Variants in C13orf46 observed in about 807,000 individuals in gnomAD.
The protein encoded by C13orf46 is uncharacterized protein C13orf46.
intron 6 of C13orf46, among the ~76,000 whole-genome samples, chr13:113,957,672 G>GT (rs2138978580): frequency 1.4e-5 from 2 of 140,364 alleles, no homozygotes; most frequent in African/African-American, 2.7e-5. Flanking sequence ...AAGCACACTG[G>GT]GGGTCTCCTC....
rs1200226917 is a variant in C13orf46, at chr13:113,956,483, T to TG, written c.*289dup. 3 of 154,332 alleles carry TG rather than the reference T, an allele frequency of 1.9e-5. No individual in the cohort carries two copies. Among genetic ancestry groups the TG allele is most frequent in the East Asian group, 1.9e-4 (1 of 5,204 alleles). The allele number at this position is 154,332 out of a possible 1,614,324, so 9.6% of individuals were successfully genotyped here. ...GAAGGTCACGTCATCACTCACCCAG[T>TG]GGGCAGTGGGTTTCAGGCGTGGCTC... On this transcript the variant is annotated 3_prime_UTR_variant, in exon 7 of 7. Transcript: ENST00000636427.
the C13orf46 span, among the ~76,000 whole-genome samples, chr13:113,944,094 T>A: frequency 1.3e-5 from 2 of 152,056 alleles, no homozygotes; most frequent in African/African-American, 2.4e-5. Context: ...CCGGGATGGA[T>A]CCCTCCCCAG....
At chr13:113,943,269 C>T in the C13orf46 span, among the ~76,000 whole-genome samples, 2 of 152,258 alleles carry the variant, frequency 1.3e-5, no homozygotes, top group South Asian at 4.1e-4. Context: ...GAGTAGCTTG[C>T]TTTTATGCAT....
intron 6 of C13orf46, among the ~76,000 whole-genome samples, chr13:113,962,503 G>A (rs2052595286): frequency 1.3e-5 from 2 of 152,260 alleles, no homozygotes; most frequent in African/African-American, 4.8e-5. Flanking sequence ...CACGGCTGAG[G>A]ACTCTCGGCC....
chr13:113,962,819 C>T (rs915941359), intron 6 of C13orf46, among the ~76,000 whole-genome samples: 5 of 152,228 alleles, frequency 3.3e-5, no homozygotes, highest in African/African-American at 4.8e-5. Flanking sequence ...CATCAGGAAA[C>T]GATGAGAAAA....
At chr13:113,960,667 A>G (rs2052579913) in intron 6 of C13orf46, among the ~76,000 whole-genome samples, 1 of 152,238 alleles carries the variant, frequency 6.6e-6, no homozygotes, top group East Asian at 1.9e-4. Context: ...GTTCAACATA[A>G]TCAGGCAACT....
At chr13:113,932,540 A>G in the C13orf46 span, among the ~76,000 whole-genome samples, 1 of 152,224 alleles carries the variant, frequency 6.6e-6, no homozygotes, top group Non-Finnish European at 1.5e-5. Flanking sequence ...TGAAATATCC[A>G]TTCAAATATT....
At chr13:113,930,357 T>TGGGGGCGCAGGAGCACCGAGGC in the C13orf46 span, among the ~76,000 whole-genome samples, 19 of 83,478 alleles carry the variant, frequency 2.3e-4, no homozygotes, top group Middle Eastern at 5.4e-3. Context: ...AGCACCGAGG[T>TGGGGGCGCAGGAGCACCGAGGC]GGGGGCGCAG....
the C13orf46 span, among the ~76,000 whole-genome samples, chr13:113,931,639 G>A: frequency 5.3e-5 from 8 of 152,076 alleles, no homozygotes; most frequent in African/African-American, 1.9e-4. Flanking sequence ...CAAATGTTAG[G>A]GTTCACTCCT....
chr13:113,957,182 C>G (rs1322022279), intron 6 of C13orf46, among the ~76,000 whole-genome samples: 1 of 144,726 alleles, frequency 6.9e-6, no homozygotes, highest in African/African-American at 2.6e-5. Flanking sequence ...TTTCATCAAG[C>G]GCACTGGGGG....
the C13orf46 span, among the ~76,000 whole-genome samples, chr13:113,944,014 G>A: frequency 3.3e-5 from 5 of 152,298 alleles, no homozygotes; most frequent in South Asian, 2.1e-4. Context: ...CGACAGGAAG[G>A]AATGCGGTAC....
intron 6 of C13orf46, among the ~76,000 whole-genome samples, chr13:113,957,414 T>C (rs2052546429): frequency 7.2e-6 from 1 of 139,336 alleles, no homozygotes; most frequent in African/African-American, 2.7e-5. Flanking sequence ...TGCACCCCCT[T>C]TCATCAAGTG....
In C13orf46 at chr13:113,955,554, AGGAGGAG is replaced by A. The variant is rs2052520889; in HGVS notation, c.*1212_*1218del. On this transcript the variant is annotated 3_prime_UTR_variant, in exon 7 of 7. Coordinates refer to ENST00000636427, the MANE Select transcript of C13orf46 (RefSeq NM_001365455.2). ...CGGAGACGAGGAGCATCTCGTGGAGAGGAGGAGCATCTCGTGGAGAGGAGGAGCATCT... is the reference window on the plus strand; with the variant it reads ...CGGAGACGAGGAGCATCTCGTGGAGACATCTCGTGGAGAGGAGGAGCATCT... 1 of 32,348 alleles carries A rather than the reference AGGAGGAG, an allele frequency of 3.1e-5. No individual in the cohort carries two copies. The highest frequency in any genetic ancestry group is 3.5e-4 in the Admixed American group (1 of 2,860). The allele number at this position is 32,348 out of a possible 1,614,324, so 2.0% of individuals were successfully genotyped here. A position where few individuals can be genotyped will look rare whatever the true frequency, so the allele number is the denominator to read the frequency against.
At chr13:113,945,670 A>AAG in the C13orf46 span, among the ~76,000 whole-genome samples, 348 of 135,870 alleles carry the variant, frequency 2.6e-3, 6 homozygotes, top group East Asian at 0.019. Context: ...GAAAGAAAGA[A>AAG]AGGAAAGAAA....
the C13orf46 span, among the ~76,000 whole-genome samples, chr13:113,929,142 G>A: frequency 6.6e-6 from 1 of 152,236 alleles, no homozygotes; most frequent in Non-Finnish European, 1.5e-5. Flanking sequence ...CAGACACTGT[G>A]CGGCAGGGAA....
chr13:113,970,630 G>A lies in C13orf46; in HGVS notation c.191-408C>T, dbSNP rs374966113. ...GAAGCCCACAAGACCTGCCCATGCC[G>A]GCTACTACCCCCAACCCAGGCTTCC... is the stretch of plus-strand genomic sequence containing the variant. On this transcript the variant is annotated intron_variant, in intron 1 of 6. Transcript: ENST00000636427. 3.0e-4 allele frequency among the ~76,000 whole-genome samples: 45 copies of A among 152,294 alleles called. No homozygotes were observed. In the South Asian group the frequency reaches 5.8e-3, roughly 20 times the overall value.
At chr13:113,963,894 A>C (rs1311376859) in intron 6 of C13orf46, among the ~76,000 whole-genome samples, 7 of 152,224 alleles carry the variant, frequency 4.6e-5, no homozygotes, top group Non-Finnish European at 8.8e-5. Context: ...CTTGTCACCC[A>C]GGCTGGAGTG....
chr13:113,947,995 CG>C, the C13orf46 span, among the ~76,000 whole-genome samples: 1 of 152,244 alleles, frequency 6.6e-6, no homozygotes, highest in South Asian at 2.1e-4. Context: ...GCTGCCCCAG[CG>C]CCCATCGGGG....
the C13orf46 span, among the ~76,000 whole-genome samples, chr13:113,947,798 C>T: frequency 2.0e-5 from 3 of 152,210 alleles, no homozygotes; most frequent in Non-Finnish European, 2.9e-5. Flanking sequence ...AGGCTGACCC[C>T]GTGACACTTC....
Sources: gnomAD v4.1 joint callset for allele counts (sites outside exome capture counted in the v4.1 genomes callset) on GRCh38, gnomAD v4.1.1 for gene constraint, MANE v1.5 for transcripts, NCBI Gene and HGNC (gene_info 2026-07-23, HGNC 2026-07-21) for gene names.